EML6: variants seen among roughly 807,000 people sequenced by gnomAD.
EML6 encodes the protein EMAP like 6.
A neutral mutation model predicts 240.1 loss-of-function variants in EML6; 154 were observed. The ratio of observed to expected loss-of-function variants is 0.64; its 90% CI spans 0.56 to 0.73. The LOEUF (loss-of-function observed/expected upper bound fraction) is 0.73. Among genes scored for constraint, EML6 ranks in the 30% least tolerant of loss-of-function variants. EML6 has a pLI of 0.00. For synonymous variants in EML6, 1,148 were observed against 899.0 expected (o/e 1.28, Z -4.95); for missense variants, 2,964 against 2,474.6 (o/e 1.20, Z -4.20).
chr2:54,731,927 A>G (rs1361040731), intron 2 of EML6, among the ~76,000 whole-genome samples: 2 of 152,198 alleles, frequency 1.3e-5, no homozygotes, highest in Non-Finnish European at 2.9e-5. Flanking sequence ...CCCACCAGCA[A>G]TGTATGAGAG....
intron 2 of EML6, among the ~76,000 whole-genome samples, chr2:54,736,395 G>A (rs1683392428): frequency 6.6e-6 from 1 of 152,162 alleles, no homozygotes; most frequent in Non-Finnish European, 1.5e-5. Flanking sequence ...AACACTGCAT[G>A]GGCTCTGTCT....
At chr2:54,807,601 G>A (rs1314466626) in intron 2 of EML6, among the ~76,000 whole-genome samples, 1 of 152,184 alleles carries the variant, frequency 6.6e-6, no homozygotes, top group East Asian at 1.9e-4. Flanking sequence ...TTGGGAAGAG[G>A]TGTGGAGTAA....
At chr2:54,736,734 A>C (rs1401276815) in intron 2 of EML6, among the ~76,000 whole-genome samples, 1 of 151,650 alleles carries the variant, frequency 6.6e-6, no homozygotes, top group Non-Finnish European at 1.5e-5. Context: ...TTTCCTCATC[A>C]TTGTGGTCCC....
At chr2:54,858,200 T>C (rs1263969156) in intron 11 of EML6, among the ~76,000 whole-genome samples, 1 of 152,116 alleles carries the variant, frequency 6.6e-6, no homozygotes, top group African/African-American at 2.4e-5. Flanking sequence ...TGTGTGAGCC[T>C]CTCCATAGAT....
At chr2:54,853,892 T>A (rs1573006946) in intron 11 of EML6, 37 bp downstream of exon 11, 1 of 1,376,444 alleles carries the variant, frequency 7.3e-7, no homozygotes, top group South Asian at 1.3e-5. Context: ...CATAAAGATT[T>A]ACTCTAAACT....
At chr2:54,931,124 A>C (rs1674837464) in intron 28 of EML6, among the ~76,000 whole-genome samples, 1 of 149,468 alleles carries the variant, frequency 6.7e-6, no homozygotes. Context: ...TGCCCGGCTA[A>C]TTTTTTGTAT....
Position 54,952,706 on chromosome 2 carries a change from T to G in EML6, c.4312+14T>G, listed in dbSNP as rs1676044156. On this transcript the variant is annotated intron_variant, in intron 31 of 41. Coordinates refer to ENST00000356458, the MANE Select transcript of EML6 (RefSeq NM_001039753.4). ...CCAGCCAGATAGGTAGGAGGTCCTGTGGCAGCTGAGGCTCTCCCAGCTTGC... is the reference window on the plus strand; with the variant it reads ...CCAGCCAGATAGGTAGGAGGTCCTGGGGCAGCTGAGGCTCTCCCAGCTTGC... 6.5e-7 allele frequency: 1 copy of G among 1,533,854 alleles called. No individual in the cohort carries two copies. The highest frequency in any genetic ancestry group is 2.0e-5 in the Admixed American group (1 of 50,952).
At chr2:54,836,339 T>C (rs1426994716) in intron 7 of EML6, among the ~76,000 whole-genome samples, 1 of 152,240 alleles carries the variant, frequency 6.6e-6, no homozygotes, top group Non-Finnish European at 1.5e-5. Context: ...TCTTCTGATA[T>C]CTCACTAGGC....
intron 2 of EML6, among the ~76,000 whole-genome samples, chr2:54,744,023 G>A (rs1683783307): frequency 6.6e-6 from 1 of 152,016 alleles, no homozygotes; most frequent in African/African-American, 2.4e-5. Flanking sequence ...GGCACACTGG[G>A]TGGGGGAAAG....
At chr2:54,794,483 G>A (rs1303158379) in intron 2 of EML6, among the ~76,000 whole-genome samples, 2 of 152,110 alleles carry the variant, frequency 1.3e-5, no homozygotes, top group Non-Finnish European at 2.9e-5. Context: ...GAGGGAGTAG[G>A]GACAGGACGG....
At chr2:54,910,771 T>G (rs770350350) in intron 24 of EML6, among the ~76,000 whole-genome samples, 183 bp from the exon 25 acceptor site, 1 of 152,226 alleles carries the variant, frequency 6.6e-6, no homozygotes, top group Non-Finnish European at 1.5e-5. Flanking sequence ...AAATCACAGC[T>G]TTGGGGTTTG....
intron 25 of EML6, among the ~76,000 whole-genome samples, chr2:54,912,546 T>G (rs967588932): frequency 2.0e-5 from 3 of 152,174 alleles, no homozygotes; most frequent in African/African-American, 7.2e-5. Context: ...AGATAGTGTT[T>G]CAGCCTTTGC....
chr2:54,944,233 C>T (rs942606271), intron 28 of EML6, among the ~76,000 whole-genome samples: 1 of 152,148 alleles, frequency 6.6e-6, no homozygotes, highest in East Asian at 1.9e-4. Flanking sequence ...CACGGGTGTT[C>T]AAAGCTCAAC....
At chr2:54,864,792 T>G (rs1670879174) in intron 13 of EML6, among the ~76,000 whole-genome samples, 1 of 152,234 alleles carries the variant, frequency 6.6e-6, no homozygotes. Flanking sequence ...GCACATTCTA[T>G]GCACTACTTG....
intron 2 of EML6, among the ~76,000 whole-genome samples, chr2:54,727,899 A>T (rs1682981946): frequency 1.3e-5 from 2 of 152,220 alleles, no homozygotes; most frequent in South Asian, 4.1e-4. Context: ...GATCTCCAAG[A>T]TCATAATGAA....
rs1361709330 is a variant in EML6, at chr2:54,883,920, T to A, written c.2438+4280T>A. ...ACCTTGGTGTTTTTATGACATAGAG[T>A]AGGACAACAAAAGCTCTCACCCAAA... is the stretch of plus-strand genomic sequence containing the variant. On this transcript the variant is annotated intron_variant, in intron 17 of 41. Transcript: ENST00000356458. Among the ~76,000 whole-genome samples the A allele has an allele frequency of 2.0e-5, 3 of 152,014 alleles. No homozygotes were observed. In the East Asian group the frequency reaches 5.8e-4, roughly 29 times the overall value.
chr2:54,920,209 G>A (rs1334120937), intron 26 of EML6, among the ~76,000 whole-genome samples: 2 of 152,014 alleles, frequency 1.3e-5, no homozygotes, highest in Non-Finnish European at 2.9e-5. Context: ...AGACTATAAA[G>A]AGAATAGAAA....
intron 5 of EML6, among the ~76,000 whole-genome samples, chr2:54,820,978 C>G (rs1338226414): frequency 2.0e-5 from 3 of 152,088 alleles, no homozygotes; most frequent in African/African-American, 2.4e-5. Flanking sequence ...CTGGGTAGAC[C>G]TACATTTGCT....
intron 2 of EML6, among the ~76,000 whole-genome samples, chr2:54,742,606 C>G (rs1346449268): frequency 6.6e-6 from 1 of 152,122 alleles, no homozygotes; most frequent in East Asian, 1.9e-4. Flanking sequence ...CCTCTGTGTC[C>G]CGGAGGCTCT....
Sources: allele counts gnomAD v4.1 joint callset (sites outside exome capture counted in the v4.1 genomes callset), GRCh38; gene constraint gnomAD v4.1.1; transcripts MANE v1.5; gene names NCBI Gene and HGNC (gene_info 2026-07-23, HGNC 2026-07-21).